The following ANGPT1 variants were observed in gnomAD, a reference collection of about 807,000 sequenced individuals.
The protein encoded by ANGPT1 is angiopoietin-1.
In ANGPT1, 17 loss-of-function variants were observed where a neutral mutation model predicts 62.2. The ratio of observed to expected loss-of-function variants is 0.27; its 90% confidence interval spans 0.19 to 0.41. The LOEUF is 0.41. Among genes scored for constraint, ANGPT1 ranks in the 10% least tolerant of loss-of-function variants. The pLI is 1.00. For synonymous variants in ANGPT1, 199 were observed against 198.9 expected (o/e 1.00, Z 0.00); for missense variants, 478 against 594.9 (o/e 0.80, Z 2.04).
At chr8:107,258,876 A>C (rs1813429413) in intron 8 of ANGPT1, among the ~76,000 whole-genome samples, 1 of 152,174 alleles carries the variant, frequency 6.6e-6, no homozygotes, top group Non-Finnish European at 1.5e-5. Flanking sequence ...ACTAACATTC[A>C]TTTATGTATT....
At position 107,344,566 on chromosome 8, in the gene ANGPT1, T is replaced by G. The variant is rs889066553; in HGVS notation, c.453+2376A>C. 2.0e-5 allele frequency among the ~76,000 whole-genome samples: 3 copies of G among 152,362 alleles called. No individual in the cohort carries two copies. The South Asian group carries it at 6.2e-4, about 32-fold the overall frequency. On this transcript the variant is annotated intron_variant, in intron 2 of 8. Transcript: ENST00000517746. ...CCATTGGCATGAACCTGTGGCTTTC[T>G]GCATTTTGTTAAGTCATAAATCTAG...
chr8:107,269,040 G>A (rs1813679991), intron 7 of ANGPT1, among the ~76,000 whole-genome samples: 1 of 152,026 alleles, frequency 6.6e-6, no homozygotes, highest in South Asian at 2.1e-4. Context: ...AAGATGAAAT[G>A]TCATAAAAAT....
intron 1 of ANGPT1, among the ~76,000 whole-genome samples, chr8:107,356,072 A>C (rs1366889079): frequency 2.6e-5 from 4 of 152,214 alleles, no homozygotes; most frequent in Non-Finnish European, 5.9e-5. Flanking sequence ...TGTTTCTCTA[A>C]GTAAGAAATA....
intron 1 of ANGPT1, among the ~76,000 whole-genome samples, chr8:107,450,077 T>C (rs1811728532): frequency 6.6e-6 from 1 of 152,056 alleles, no homozygotes; most frequent in Non-Finnish European, 1.5e-5. Flanking sequence ...TAACACAGTA[T>C]GGCAAAAGCA....
At chr8:107,287,112 A>G (rs1309809128) in intron 6 of ANGPT1, among the ~76,000 whole-genome samples, 1 of 152,158 alleles carries the variant, frequency 6.6e-6, no homozygotes, top group Non-Finnish European at 1.5e-5. Context: ...CAGTCATTGA[A>G]AAGGGATTCA....
chr8:107,394,467 GT>G (rs1816896294), intron 1 of ANGPT1, among the ~76,000 whole-genome samples: 1 of 152,096 alleles, frequency 6.6e-6, no homozygotes, highest in African/African-American at 2.4e-5. Context: ...AGCCCTGATG[GT>G]ACCTACAGAT....
intron 6 of ANGPT1, among the ~76,000 whole-genome samples, chr8:107,286,796 A>C (rs1287861319): frequency 2.6e-5 from 4 of 152,162 alleles, no homozygotes; most frequent in Non-Finnish European, 5.9e-5. Flanking sequence ...TAAGATGCTC[A>C]AGTCACACTT....
intron 8 of ANGPT1, among the ~76,000 whole-genome samples, chr8:107,257,367 C>A (rs1813382504): frequency 6.6e-6 from 1 of 152,102 alleles, no homozygotes; most frequent in Admixed American, 6.6e-5. Context: ...AGAAAATTCA[C>A]ATTTTATCGC....
At chr8:107,461,938 G>A (rs1440917109) in intron 1 of ANGPT1, among the ~76,000 whole-genome samples, 1 of 152,112 alleles carries the variant, frequency 6.6e-6, no homozygotes, top group Non-Finnish European at 1.5e-5. Context: ...AGTCCAGGAA[G>A]TGTCAGTTTA....
chr8:107,286,128 A>T (rs1387234948), intron 6 of ANGPT1, among the ~76,000 whole-genome samples: 1 of 152,126 alleles, frequency 6.6e-6, no homozygotes, highest in East Asian at 1.9e-4. Flanking sequence ...AATGTTTCTT[A>T]AAGTGCCCAA....
intron 1 of ANGPT1, among the ~76,000 whole-genome samples, chr8:107,439,997 A>G (rs1287288466): frequency 6.6e-6 from 1 of 152,188 alleles, no homozygotes; most frequent in Non-Finnish European, 1.5e-5. Flanking sequence ...ACCATGGTGC[A>G]GGGAAAGCAG....
chr8:107,404,278 A>C (rs943366912), intron 1 of ANGPT1, among the ~76,000 whole-genome samples: 1 of 152,150 alleles, frequency 6.6e-6, no homozygotes, highest in Non-Finnish European at 1.5e-5. Context: ...TATGGTATAC[A>C]TAAATACTTC....
chr8:107,497,812 A>G lies in ANGPT1; in HGVS notation c.-254T>C, dbSNP rs141867222. On this transcript the variant is annotated 5_prime_UTR_variant, in exon 1 of 9. Transcript: ENST00000517746. Reference sequence around the variant, plus strand: ...AGATATTTATTGCATAGTAGCTGAGATTTATTGTTTCCTCTCTGTGTGACC... The same window carrying G: ...AGATATTTATTGCATAGTAGCTGAGGTTTATTGTTTCCTCTCTGTGTGACC... 3.3e-5 allele frequency: 19 copies of G among 574,466 alleles called. No homozygotes were observed. In the African/African-American group the frequency reaches 3.4e-4, roughly 10 times the overall value. The allele number at this position is 574,466 out of a possible 1,614,324, so 35.6% of individuals were successfully genotyped here.
chr8:107,366,078 T>C (rs1816267210), intron 1 of ANGPT1, among the ~76,000 whole-genome samples: 1 of 152,234 alleles, frequency 6.6e-6, no homozygotes. Context: ...GTGGTCATAA[T>C]GTTCAGTTAC....
At chr8:107,396,842 T>C (rs570959142) in intron 1 of ANGPT1, among the ~76,000 whole-genome samples, 1 of 152,002 alleles carries the variant, frequency 6.6e-6, no homozygotes, top group African/African-American at 2.4e-5. Flanking sequence ...AAACACTGAC[T>C]AAAAACAGCC....
chr8:107,299,420 T>TATATATATATATATATAA lies in ANGPT1; in HGVS notation c.936+3819_936+3820insTTATATATATATATATAT, dbSNP rs1342219214. 5.3e-3 allele frequency among the ~76,000 whole-genome samples: 635 copies of TATATATATATATATATAA among 120,258 alleles called. 9 individuals are homozygous for TATATATATATATATATAA. Among genetic ancestry groups the TATATATATATATATATAA allele is most frequent in the Non-Finnish European group, 9.7e-3 (539 of 55,580 alleles). 78.9% of individuals were successfully genotyped at this position (120,258 alleles called of 152,430 possible). A position where few individuals can be genotyped will look rare whatever the true frequency, so the allele number is the denominator to read the frequency against. ...ATATATATATATATATATATATATA[T>TATATATATATATATATAA]AAACATACATATATATACTAAGCAT... On this transcript the variant is annotated intron_variant, in intron 5 of 8. Coordinates refer to ENST00000517746, the MANE Select transcript of ANGPT1 (RefSeq NM_001146.5).
Position 107,251,495 on chromosome 8 carries a change from T to C in ANGPT1, c.*360A>G. On this transcript the variant is annotated 3_prime_UTR_variant, in exon 9 of 9. Transcript: ENST00000517746. ...TCATGTATATTCTCTTTTTCACTCT[T>C]TTTTTCTGTTTTACATGAAATTAAC... 1 of 186,784 alleles carries C rather than the reference T, an allele frequency of 5.4e-6. No individual in the cohort carries two copies. Among genetic ancestry groups the C allele is most frequent in the Non-Finnish European group, 1.1e-5 (1 of 88,550 alleles). The allele number at this position is 186,784 out of a possible 1,614,324, so 11.6% of individuals were successfully genotyped here. A position where few individuals can be genotyped will look rare whatever the true frequency, so the allele number is the denominator to read the frequency against.
intron 1 of ANGPT1, among the ~76,000 whole-genome samples, chr8:107,476,774 C>T (rs1376834648): frequency 6.6e-6 from 1 of 152,044 alleles, no homozygotes; most frequent in African/African-American, 2.4e-5. Context: ...AAATTTAGTA[C>T]GTATTGCCTG....
intron 1 of ANGPT1, among the ~76,000 whole-genome samples, chr8:107,479,409 T>C (rs774234223): frequency 3.3e-5 from 5 of 152,176 alleles, no homozygotes; most frequent in Non-Finnish European, 7.3e-5. Context: ...TGTAATGTAA[T>C]AAGCAAAGCA....
Sources: allele counts gnomAD v4.1 joint callset (sites outside exome capture counted in the v4.1 genomes callset), GRCh38; gene constraint gnomAD v4.1.1; transcripts MANE v1.5; gene names NCBI Gene and HGNC (gene_info 2026-07-23, HGNC 2026-07-21).